Variants in CSMD1 observed in about 807,000 individuals in gnomAD.
CSMD1 encodes CUB and sushi domain-containing protein 1.
Under a neutral mutation model 417.5 loss-of-function variants are expected in CSMD1, and 213 were observed. The ratio of observed to expected loss-of-function variants is 0.51; its 90% CI spans 0.46 to 0.57. CSMD1 has a LOEUF of 0.57. CSMD1 is among the 20% of genes least tolerant of loss of function. The probability of loss-of-function intolerance (pLI) is 0.00; values close to 1 mark genes in which losing one functional copy is unlikely to be tolerated. For synonymous variants in CSMD1, 2,862 were observed against 1,736.8 expected (o/e 1.65, Z -16.11); for missense variants, 6,923 against 4,529.7 (o/e 1.53, Z -15.17).
intron 1 of CSMD1, among the ~76,000 whole-genome samples, chr8:4,647,478 G>A (rs970543075): frequency 4.7e-5 from 7 of 148,090 alleles, no homozygotes; most frequent in African/African-American, 1.1e-4. Flanking sequence ...GTAGGTACGC[G>A]TGTGCCATGG....
chr8:3,558,967 G>A (rs542132065), intron 10 of CSMD1, among the ~76,000 whole-genome samples: 8 of 152,268 alleles, frequency 5.3e-5, no homozygotes, highest in South Asian at 4.1e-4. Flanking sequence ...CGGCAGAATT[G>A]GAATGAAAAG....
chr8:4,713,544 G>T (rs11775693), intron 1 of CSMD1, among the ~76,000 whole-genome samples: 4 of 152,188 alleles, frequency 2.6e-5, no homozygotes, highest in Non-Finnish European at 5.9e-5. Context: ...TGGGACTACA[G>T]GCGGCTGCCA....
At chr8:4,306,990 G>A (rs1301627386) in intron 3 of CSMD1, among the ~76,000 whole-genome samples, 1 of 152,052 alleles carries the variant, frequency 6.6e-6, no homozygotes, top group Non-Finnish European at 1.5e-5. Context: ...TTTCCCATCT[G>A]TCACCGCCCT....
chr8:3,199,532 C>T (rs1020445254), intron 33 of CSMD1, among the ~76,000 whole-genome samples, 182 bp downstream of exon 33: 1 of 152,036 alleles, frequency 6.6e-6, no homozygotes, highest in Non-Finnish European at 1.5e-5. Context: ...TGAGTTTCAA[C>T]TGTCAAAAAA....
chr8:4,507,539 GA>G (rs1176842004), intron 2 of CSMD1, among the ~76,000 whole-genome samples: 2 of 152,128 alleles, frequency 1.3e-5, no homozygotes, highest in African/African-American at 4.8e-5. Flanking sequence ...AAATGACATA[GA>G]AGTATTCAAT....
intron 2 of CSMD1, among the ~76,000 whole-genome samples, chr8:4,447,049 G>C (rs557462292): frequency 6.6e-6 from 1 of 152,228 alleles, no homozygotes; most frequent in East Asian, 1.9e-4. Flanking sequence ...TCATCAGCCT[G>C]TGTCAGGTCT....
chr8:4,371,673 A>T (rs927355568), intron 3 of CSMD1, among the ~76,000 whole-genome samples: 4 of 152,200 alleles, frequency 2.6e-5, no homozygotes, highest in African/African-American at 9.7e-5. Flanking sequence ...CTTATATCTT[A>T]AAGTTAGTAG....
At chr8:4,210,071 C>T (rs902210567) in intron 3 of CSMD1, among the ~76,000 whole-genome samples, 2 of 152,164 alleles carry the variant, frequency 1.3e-5, no homozygotes, top group Non-Finnish European at 1.5e-5. Flanking sequence ...CAAGTCCCAC[C>T]TCCTACCTCA....
intron 12 of CSMD1, among the ~76,000 whole-genome samples, chr8:3,419,108 G>A (rs2116965937): frequency 6.6e-6 from 1 of 152,350 alleles, no homozygotes; most frequent in South Asian, 2.1e-4. Flanking sequence ...ACCTCATGGA[G>A]GTCGAGGCTT....
chr8:4,572,944 T>C (rs1798957394), intron 2 of CSMD1, among the ~76,000 whole-genome samples: 1 of 152,186 alleles, frequency 6.6e-6, no homozygotes, highest in Non-Finnish European at 1.5e-5. Flanking sequence ...ATGAAGTCCT[T>C]GTGCCGTGTT....
chr8:3,865,211 G>A lies in CSMD1; in HGVS notation c.819-111169C>T, dbSNP rs555126335. The stretch of plus-strand genomic sequence containing the variant: ...ATATTTAACATCTTGGAAAATGACA[G>A]ACATAAGTCATCATCTCTGTCCTCA... On this transcript the variant is annotated intron_variant, in intron 5 of 69. Transcript: ENST00000635120. Among the ~76,000 whole-genome samples the A allele has an allele frequency of 8.5e-5, 13 of 152,364 alleles. No homozygotes were observed. In the South Asian group the frequency reaches 2.7e-3, roughly 32 times the overall value.
At chr8:4,083,677 T>C (rs570417507) in intron 3 of CSMD1, among the ~76,000 whole-genome samples, 7 of 152,204 alleles carry the variant, frequency 4.6e-5, no homozygotes, top group South Asian at 4.1e-4. Flanking sequence ...TTACACCTTA[T>C]ACAAAAATCA....
intron 5 of CSMD1, among the ~76,000 whole-genome samples, chr8:3,921,333 T>C (rs1809245667): frequency 1.3e-5 from 2 of 152,098 alleles, no homozygotes; most frequent in South Asian, 4.1e-4. Flanking sequence ...TTTTTGTCTA[T>C]CCTTTCATAA....
chr8:4,453,790 C>T (rs553564952), intron 2 of CSMD1, among the ~76,000 whole-genome samples: 3 of 147,512 alleles, frequency 2.0e-5, no homozygotes, highest in African/African-American at 7.5e-5. Flanking sequence ...CCCAGGTTCC[C>T]GAACAAGATT....
chr8:3,966,310 G>A (rs796235260), intron 5 of CSMD1, among the ~76,000 whole-genome samples: 3 of 152,264 alleles, frequency 2.0e-5, no homozygotes, highest in Non-Finnish European at 2.9e-5. Context: ...TGATGGAGAA[G>A]AGGGAAAGAA....
intron 1 of CSMD1, among the ~76,000 whole-genome samples, chr8:4,913,810 T>C (rs894422003): frequency 6.6e-5 from 10 of 152,120 alleles, no homozygotes; most frequent in Admixed American, 6.5e-4. Flanking sequence ...CCCACCAGAC[T>C]CTTTGGGGCT....
chr8:3,683,514 G>A (rs937311490), intron 7 of CSMD1, among the ~76,000 whole-genome samples: 1 of 152,130 alleles, frequency 6.6e-6, no homozygotes, highest in Non-Finnish European at 1.5e-5. Context: ...TCACTTGGAG[G>A]GGGAGGTATT....
chr8:4,898,287 T>C (rs7005371), intron 1 of CSMD1, among the ~76,000 whole-genome samples: 83,752 of 151,884 alleles, frequency 0.55, 23,767 homozygotes, highest in Admixed American at 0.63. Flanking sequence ...AAAATGTTCA[T>C]TTTGTATTTT....
intron 5 of CSMD1, among the ~76,000 whole-genome samples, chr8:3,938,547 G>A (rs1223072123): frequency 6.6e-6 from 1 of 152,084 alleles, no homozygotes; most frequent in Non-Finnish European, 1.5e-5. Context: ...GATTTGAGAG[G>A]ACCGATGCTA....
Sources: gnomAD v4.1 joint callset for allele counts (sites outside exome capture counted in the v4.1 genomes callset) on GRCh38, gnomAD v4.1.1 for gene constraint, MANE v1.5 for transcripts, NCBI Gene and HGNC (gene_info 2026-07-23, HGNC 2026-07-21) for gene names.